MTUS2: variants seen among roughly 807,000 people sequenced by gnomAD.
MTUS2 encodes the protein microtubule associated scaffold protein 2, also known as microtubule-associated tumor suppressor candidate 2.
Under a neutral mutation model 114.1 loss-of-function variants are expected in MTUS2, and 40 were observed. That is an observed-to-expected ratio of 0.35 (90% confidence interval 0.27 to 0.46). The LOEUF is 0.46. Among genes scored for constraint, MTUS2 ranks in the 20% least tolerant of loss-of-function variants. The probability of loss-of-function intolerance (pLI) is 1.00; values close to 1 mark genes in which losing one functional copy is unlikely to be tolerated. For missense variants in MTUS2, 1,679 were observed against 1,705.4 expected (o/e 0.98, Z 0.27); for synonymous variants, 688 against 672.0 (o/e 1.02, Z -0.37).
At position 29,400,854 on chromosome 13, in the gene MTUS2, A is replaced by G. The variant is rs146335415; in HGVS notation, c.3118-39129A>G. ...AATCTTTGCACTATGCTATTCCTCAAAGAGAGAAAGCACTTCCCATCCCCT... is the reference window on the plus strand; with the variant it reads ...AATCTTTGCACTATGCTATTCCTCAGAGAGAGAAAGCACTTCCCATCCCCT... On this transcript the variant is annotated intron_variant, in intron 8 of 15. Coordinates refer to ENST00000612955, the MANE Select transcript of MTUS2 (RefSeq NM_001033602.4). 2.7e-4 allele frequency among the ~76,000 whole-genome samples: 41 copies of G among 152,336 alleles called. No individual in the cohort carries two copies. In the East Asian group the frequency reaches 4.6e-3, roughly 17 times the overall value.
chr13:28,863,702 T>A (rs1241142953), intron 2 of MTUS2, among the ~76,000 whole-genome samples: 1 of 152,186 alleles, frequency 6.6e-6, no homozygotes, highest in Non-Finnish European at 1.5e-5. Flanking sequence ...TTTTTGTATT[T>A]AAAAATGTTT....
chr13:29,250,409 G>A lies in MTUS2; in HGVS notation c.2645-31295G>A, dbSNP rs1041030611. 5.3e-5 allele frequency: 8 copies of A among 151,748 alleles called. No homozygotes were observed. The East Asian group carries it at 1.5e-3, about 29-fold the overall frequency. The allele number at this position is 151,748 out of a possible 1,614,324, so 9.4% of individuals were successfully genotyped here. On this transcript the variant is annotated intron_variant, in intron 5 of 15. Transcript: ENST00000612955. ...GACCATTCAGAAAAATATGATTCTT[G>A]CTTACTTGACAAATGAAGAGCTGCC...
chr13:28,860,413 G>T (rs935382826), intron 2 of MTUS2, among the ~76,000 whole-genome samples: 3 of 152,184 alleles, frequency 2.0e-5, no homozygotes, highest in African/African-American at 7.2e-5. Flanking sequence ...CACCAGGCCG[G>T]AATGTGGGAT....
rs140183797 is a variant in MTUS2 at position 29,407,886 on chromosome 13, G to T, written c.3118-32097G>T. On this transcript the variant is annotated intron_variant, in intron 8 of 15. Transcript: ENST00000612955. ...GACCCTAACTTTTGCCAATCTGTTGGTTTGAATCGGTGTCATATTGTGGCT... is the reference window on the plus strand; with the variant it reads ...GACCCTAACTTTTGCCAATCTGTTGTTTTGAATCGGTGTCATATTGTGGCT... 4.9e-3 allele frequency among the ~76,000 whole-genome samples: 749 copies of T among 152,266 alleles called. 6 individuals are homozygous for T. The highest frequency in any genetic ancestry group is 9.0e-3 in the Non-Finnish European group (611 of 68,008).
chr13:29,205,043 A>G (rs201714158), intron 5 of MTUS2, among the ~76,000 whole-genome samples: 1 of 152,140 alleles, frequency 6.6e-6, no homozygotes, highest in East Asian at 1.9e-4. Flanking sequence ...TAATTTTGTG[A>G]TTGACCTTTA....
chr13:28,882,535 AG>A (rs1262478546), intron 2 of MTUS2, among the ~76,000 whole-genome samples: 1 of 152,134 alleles, frequency 6.6e-6, no homozygotes, highest in Non-Finnish European at 1.5e-5. Flanking sequence ...CAGGAGTTTG[AG>A]GCCAGCCTGG....
At chr13:29,325,473 AAAGAAG>A (rs374764824) in intron 7 of MTUS2, among the ~76,000 whole-genome samples, 1 of 139,530 alleles carries the variant, frequency 7.2e-6, no homozygotes, top group Admixed American at 7.3e-5. Flanking sequence ...AAAAAAAAGA[AAAGAAG>A]AAGAGGAAGA....
At chr13:29,349,678 A>G (rs1869055061) in intron 7 of MTUS2, among the ~76,000 whole-genome samples, 1 of 152,070 alleles carries the variant, frequency 6.6e-6, no homozygotes, top group East Asian at 1.9e-4. Context: ...AAGTACTTAA[A>G]GATGCTGTTT....
At chr13:29,166,588 C>A (rs1893326537) in intron 5 of MTUS2, among the ~76,000 whole-genome samples, 1 of 152,180 alleles carries the variant, frequency 6.6e-6, no homozygotes, top group Non-Finnish European at 1.5e-5. Flanking sequence ...AGGTTTAGAA[C>A]ATACTTAAAT....
At chr13:28,943,148 G>C (rs557776938) in intron 2 of MTUS2, among the ~76,000 whole-genome samples, 2 of 152,250 alleles carry the variant, frequency 1.3e-5, no homozygotes, top group Admixed American at 1.3e-4. Context: ...AGTTCCTTAA[G>C]TTCCTCATCA....
At chr13:29,124,014 T>C (rs1891417800) in intron 5 of MTUS2, among the ~76,000 whole-genome samples, 1 of 152,192 alleles carries the variant, frequency 6.6e-6, no homozygotes, top group Admixed American at 6.5e-5. Context: ...TTTACAGAAA[T>C]GACAAATAAT....
intron 2 of MTUS2, among the ~76,000 whole-genome samples, chr13:28,882,700 A>G (rs1377662850): frequency 6.6e-6 from 1 of 152,174 alleles, no homozygotes; most frequent in Non-Finnish European, 1.5e-5. Flanking sequence ...TTGTGCTATT[A>G]CACACCAGCC....
intron 5 of MTUS2, among the ~76,000 whole-genome samples, chr13:29,197,072 T>C (rs1894733854): frequency 6.6e-6 from 1 of 152,178 alleles, no homozygotes; most frequent in African/African-American, 2.4e-5. Flanking sequence ...TTTATTATAC[T>C]TTAACTTCTG....
At chr13:29,237,296 C>A (rs563352817) in intron 5 of MTUS2, among the ~76,000 whole-genome samples, 2 of 152,154 alleles carry the variant, frequency 1.3e-5, no homozygotes, top group Non-Finnish European at 2.9e-5. Context: ...TATTTTCCTA[C>A]CAGAGCTCCA....
At chr13:29,104,028 G>T (rs1459539372) in intron 5 of MTUS2, among the ~76,000 whole-genome samples, 1 of 152,000 alleles carries the variant, frequency 6.6e-6, no homozygotes, top group African/African-American at 2.4e-5. Context: ...GGAGCCCCAT[G>T]CATCCCCCTG....
chr13:29,108,219 G>A (rs1890746579), intron 5 of MTUS2, among the ~76,000 whole-genome samples: 2 of 152,200 alleles, frequency 1.3e-5, no homozygotes, highest in Admixed American at 1.3e-4. Context: ...CATGGAAAAA[G>A]CAGCCAAAGG....
rs773706333 is a variant in MTUS2, at chr13:29,025,523, A to T, written c.825A>T (p.Ser275=). Residue 275 remains serine, a synonymous_variant, in exon 3 of 16, where the codon TCA becomes TCT. Transcript: ENST00000612955. Reference sequence around the variant, plus strand: ...TGCAGGTGTGCAGTGAGCACACATCACATTCCGCCCATCCAGAGCCTGCTC... The same window carrying T: ...TGCAGGTGTGCAGTGAGCACACATCTCATTCCGCCCATCCAGAGCCTGCTC... ...HVLQVCSEHT[S]HSAHPEPALN... The T allele has an allele frequency of 1.5e-5, 24 of 1,613,602 alleles. No homozygotes were observed. The highest frequency in any genetic ancestry group is 2.0e-5 in the Non-Finnish European group (24 of 1,179,776).
At chr13:28,911,332 T>C (rs1880417550) in intron 2 of MTUS2, among the ~76,000 whole-genome samples, 2 of 151,678 alleles carry the variant, frequency 1.3e-5, no homozygotes, top group South Asian at 4.2e-4. Context: ...CGTACCACCA[T>C]GCCCAGCTAA....
chr13:29,239,440 G>C (rs934581234), intron 5 of MTUS2: 1 of 152,112 alleles, frequency 6.6e-6, no homozygotes, highest in African/African-American at 2.4e-5. Flanking sequence ...CATGGCTAAT[G>C]GTTCAGTTCT....
Sources: allele counts gnomAD v4.1 joint callset (sites outside exome capture counted in the v4.1 genomes callset), GRCh38; gene constraint gnomAD v4.1.1; transcripts MANE v1.5; gene names NCBI Gene and HGNC (gene_info 2026-07-23, HGNC 2026-07-21).